Variants in LRRIQ3 observed in about 807,000 individuals in gnomAD.
LRRIQ3 encodes the protein leucine-rich repeat and IQ domain-containing protein 3.
In LRRIQ3, 75 loss-of-function variants were observed where a neutral mutation model predicts 59.3. That is an observed-to-expected ratio of 1.26 (90% CI 1.05 to 1.53). The LOEUF is 1.53. LRRIQ3 is among the 40% of genes most tolerant of loss of function. LRRIQ3 has a pLI of 0.00. For missense variants in LRRIQ3, 831 were observed against 710.0 expected (o/e 1.17, Z -1.94); for synonymous variants, 250 against 231.3 (o/e 1.08, Z -0.73).
intron 7 of LRRIQ3, among the ~76,000 whole-genome samples, chr1:74,033,611 G>A (rs975703944): frequency 2.0e-5 from 3 of 151,956 alleles, no homozygotes; most frequent in Non-Finnish European, 2.9e-5. Flanking sequence ...ACGTCCGGTA[G>A]GATAAAGATT....
chr1:74,163,473 T>G (rs1473365820), intron 3 of LRRIQ3, among the ~76,000 whole-genome samples: 4 of 151,610 alleles, frequency 2.6e-5, no homozygotes, highest in Admixed American at 2.6e-4. Flanking sequence ...ATAACAAAAG[T>G]GAGTACTCTA....
chr1:74,125,986 G>A (rs1293809552), intron 4 of LRRIQ3, among the ~76,000 whole-genome samples: 1 of 151,626 alleles, frequency 6.6e-6, no homozygotes, highest in East Asian at 1.9e-4. Context: ...AGGTCCTGAT[G>A]TTTTCTTTGC....
At chr1:74,159,894 T>C (rs1000919393) in intron 3 of LRRIQ3, among the ~76,000 whole-genome samples, 1 of 152,006 alleles carries the variant, frequency 6.6e-6, no homozygotes, top group Non-Finnish European at 1.5e-5. Flanking sequence ...AATAAACCCA[T>C]ATTCCTCTTT....
At chr1:74,192,566 AT>A (rs1246698432) in intron 1 of LRRIQ3, among the ~76,000 whole-genome samples, 1 of 152,138 alleles carries the variant, frequency 6.6e-6, no homozygotes, top group African/African-American at 2.4e-5. Context: ...CACTAAAATA[AT>A]TTAGTCTTAT....
Position 74,074,681 on chromosome 1 carries a change from G to A in LRRIQ3, c.977C>T (p.Ser326Leu). Residue 326 changes from serine to leucine, a missense_variant, in exon 6 of 8, where the codon TCA (serine) becomes TTA (leucine). Ser to Leu is a moderately radical substitution (Grantham distance 145). Transcript: ENST00000354431. Reference protein sequence around the residue: ...PKDLGMKSKTSRHLIQKGQES... With the variant: ...PKDLGMKSKTLRHLIQKGQES... The stretch of plus-strand genomic sequence containing the variant: ...CTAACCTTTTTGAATGAGATGTCTT[G>A]ATGTTTTTGATTTCATGCCTAGATC... 7.2e-7 allele frequency: 1 copy of A among 1,391,456 alleles called. No individual in the cohort carries two copies. The highest frequency in any genetic ancestry group is 9.6e-7 in the Non-Finnish European group (1 of 1,046,054). The allele number at this position is 1,391,456 out of a possible 1,614,324, so 86.2% of individuals were successfully genotyped here. A position where few individuals can be genotyped will look rare whatever the true frequency, so the allele number is the denominator to read the frequency against.
At chr1:74,109,298 T>C (rs1212403689) in intron 5 of LRRIQ3, 96 bp downstream of exon 5, 1 of 894,664 alleles carries the variant, frequency 1.1e-6, no homozygotes. Flanking sequence ...ATGAAGGACA[T>C]TTAATAGAGA....
In LRRIQ3 at chr1:74,041,635, C is replaced by T. The variant is rs1654048846; in HGVS notation, c.1296G>A (p.Lys432=). ...DIDKYYTEQK[K]QEYHKEKVRV... is the part of the protein sequence containing the mutation. ...TTACTTTTTCTTTATGGTATTCCTG[C>T]TTCTTTTGTTCTGTGTAATATTTGT... Residue 432 remains lysine (K), a synonymous_variant, in exon 7 of 8, where the codon AAG becomes AAA. Coordinates refer to ENST00000354431, the MANE Select transcript of LRRIQ3 (RefSeq NM_001105659.2). The T allele has an allele frequency of 3.1e-6, 5 of 1,613,700 alleles. No homozygotes were observed. The highest frequency in any genetic ancestry group is 1.1e-5 in the South Asian group (1 of 91,068).
chr1:74,100,578 A>G (rs1400339737), intron 5 of LRRIQ3, among the ~76,000 whole-genome samples: 2 of 152,216 alleles, frequency 1.3e-5, no homozygotes, highest in African/African-American at 4.8e-5. Context: ...ATATGGAACC[A>G]AAAAATAGCC....
At chr1:74,151,011 CTTTTTTTTTTTTTT>C (rs59890149) in intron 4 of LRRIQ3, among the ~76,000 whole-genome samples, 9 of 63,392 alleles carry the variant, frequency 1.4e-4, no homozygotes, top group Non-Finnish European at 2.1e-4. Flanking sequence ...ATGATGCTTT[CTTTTTTTTTTTTTT>C]TTTTTTTTTT....
At chr1:74,088,128 T>C (rs1223977852) in intron 5 of LRRIQ3, among the ~76,000 whole-genome samples, 2 of 151,656 alleles carry the variant, frequency 1.3e-5, no homozygotes, top group Admixed American at 6.6e-5. Flanking sequence ...AAAAAAACAA[T>C]TGTCTCTCAG....
At chr1:74,040,170 C>T (rs1433890728) in intron 7 of LRRIQ3, among the ~76,000 whole-genome samples, 1 of 152,036 alleles carries the variant, frequency 6.6e-6, no homozygotes, top group African/African-American at 2.4e-5. Flanking sequence ...GACTTTAAAC[C>T]AACAAAAATC....
In LRRIQ3 at chr1:74,183,436, C is replaced by G; in HGVS notation, c.249G>C (p.Gln83His). ...KLIKLDLHGN[Q>H]IKSLPNTKFW... ...AATATCTGAAATGGCTATTGCTTAC[C>G]TGATTTCCATGGAGATCAAGTTTGA... The change falls in exon 2 of 8, where the codon CAG (glutamine) becomes CAC (histidine). Residue 83 changes from glutamine (Q) to histidine (H), a missense_variant and splice_region_variant. Transcript: ENST00000354431. 1 of 1,561,466 alleles carries G rather than the reference C, an allele frequency of 6.4e-7. No homozygotes were observed. Among genetic ancestry groups the G allele is most frequent in the South Asian group, 1.2e-5 (1 of 82,180 alleles).
chr1:74,050,919 C>G (rs17523700), intron 6 of LRRIQ3, among the ~76,000 whole-genome samples: 1 of 152,084 alleles, frequency 6.6e-6, no homozygotes, highest in African/African-American at 2.4e-5. Flanking sequence ...CCATTACACA[C>G]GCACATATAC....
chr1:74,042,907 A>G (rs991967981), intron 6 of LRRIQ3, among the ~76,000 whole-genome samples: 3 of 152,080 alleles, frequency 2.0e-5, no homozygotes, highest in Non-Finnish European at 4.4e-5. Context: ...ATGAGAATGA[A>G]ACCCCAAAAG....
chr1:74,143,612 T>C (rs1234744028), intron 4 of LRRIQ3, among the ~76,000 whole-genome samples: 2 of 151,784 alleles, frequency 1.3e-5, no homozygotes, highest in Admixed American at 1.3e-4. Flanking sequence ...TACCTAACTT[T>C]TAAGGTAGGA....
intron 3 of LRRIQ3, among the ~76,000 whole-genome samples, chr1:74,157,928 AC>A (rs1334710172): frequency 6.6e-6 from 1 of 152,024 alleles, no homozygotes; most frequent in Non-Finnish European, 1.5e-5. Context: ...ACTAAATACA[AC>A]TTTCCCAAAT....
intron 6 of LRRIQ3, among the ~76,000 whole-genome samples, chr1:74,072,081 G>T (rs116168162): frequency 0.034 from 5,092 of 151,988 alleles, 305 homozygotes; most frequent in African/African-American, 0.12. Context: ...ACTTTTAAGG[G>T]TAGTTTGATT....
intron 6 of LRRIQ3, among the ~76,000 whole-genome samples, chr1:74,058,935 A>C (rs938510079): frequency 6.6e-6 from 1 of 152,066 alleles, no homozygotes; most frequent in Non-Finnish European, 1.5e-5. Context: ...TAATCCACAA[A>C]GTTTCCAATT....
chr1:74,177,672 A>G (rs1457902523), intron 3 of LRRIQ3, among the ~76,000 whole-genome samples: 1 of 151,836 alleles, frequency 6.6e-6, no homozygotes, highest in Non-Finnish European at 1.5e-5. Context: ...TATATGTTTT[A>G]CATTATATGT....
Sources: allele counts gnomAD v4.1 joint callset (sites outside exome capture counted in the v4.1 genomes callset), GRCh38; gene constraint gnomAD v4.1.1; transcripts MANE v1.5; gene names NCBI Gene and HGNC (gene_info 2026-07-23, HGNC 2026-07-21).